Variants in CYP4F8 observed in about 807,000 individuals in gnomAD.
CYP4F8 encodes cytochrome P450 4F8.
A neutral mutation model predicts 55.0 loss-of-function variants in CYP4F8; 56 were observed. That is an observed-to-expected ratio of 1.02 (90% CI 0.82 to 1.27). CYP4F8 has a LOEUF of 1.27. Ranked by LOEUF, CYP4F8 falls within the 50% of genes most tolerant of loss-of-function variation. CYP4F8 has a pLI of 0.00. For missense variants in CYP4F8, 680 were observed against 682.4 expected (o/e 1.00, Z 0.04); for synonymous variants, 288 against 267.3 (o/e 1.08, Z -0.76).
chr19:15,619,346 TTTC>T (rs1972163354), intron 3 of CYP4F8, 141 bp from the exon 4 acceptor site: 1 of 849,126 alleles, frequency 1.2e-6, no homozygotes, highest in Non-Finnish European at 1.8e-6. Flanking sequence ...CCCACCCTCC[TTTC>T]TTCTTCTGCC....
chr19:15,622,737 C>T (rs1972210385), intron 6 of CYP4F8: 4 of 384,660 alleles, frequency 1.0e-5, no homozygotes, highest in South Asian at 8.0e-5. Flanking sequence ...CAGTACTGAG[C>T]TTGGACACTG....
chr19:15,620,831 A>T (rs1012668284), intron 5 of CYP4F8, among the ~76,000 whole-genome samples: 7 of 152,326 alleles, frequency 4.6e-5, no homozygotes, highest in South Asian at 4.1e-4. Flanking sequence ...ATTGCAAAAG[A>T]TGTGGATGCA....
Position 15,622,299 on chromosome 19 carries a change from T to A in CYP4F8, c.606T>A (p.Ser202Arg). Reference protein sequence around the residue: ...FEHISLMTLDSLQKCIFSFDS... With the variant: ...FEHISLMTLDRLQKCIFSFDS... ...ACATCAGCCTTATGACCCTGGACAG[T>A]CTGCAGAAATGCATCTTCAGCTTTG... is the stretch of plus-strand genomic sequence containing the variant. The change falls in exon 6 of 13, where the codon AGT becomes AGA. Residue 202 changes from serine (S) to arginine (R), a missense_variant. Ser to Arg is a moderately radical substitution (Grantham distance 110). Coordinates refer to ENST00000612078, the MANE Select transcript of CYP4F8 (RefSeq NM_007253.4). 6.2e-7 allele frequency: 1 copy of A among 1,612,732 alleles called. No individual in the cohort carries two copies. The highest frequency in any genetic ancestry group is 8.5e-7 in the Non-Finnish European group (1 of 1,179,514).
chr19:15,618,736 G>C (rs1333181531), intron 3 of CYP4F8: 1 of 229,012 alleles, frequency 4.4e-6, no homozygotes, highest in African/African-American at 2.3e-5. Flanking sequence ...GGAAGATCTA[G>C]GCTGCTATTT....
chr19:15,620,485 G>A (rs8109520), intron 5 of CYP4F8, among the ~76,000 whole-genome samples: 1,729 of 152,188 alleles, frequency 0.011, 33 homozygotes, highest in African/African-American at 0.039. Context: ...TGCAACCCCC[G>A]CCTCAAGCAA....
At chr19:15,628,474 C>T (rs371837029) in intron 10 of CYP4F8, 39 bp downstream of exon 10, 8 of 1,613,290 alleles carry the variant, frequency 5.0e-6, no homozygotes, top group African/African-American at 2.7e-5. Context: ...CTGGGCAGGG[C>T]GGTGGTCCCA....
In CYP4F8 at chr19:15,618,109, AC is replaced by A. The variant is rs777209222; in HGVS notation, c.311del (p.Pro104LeufsTer19). On this transcript the variant is annotated frameshift_variant, in exon 3 of 13. Coordinates refer to ENST00000612078, the MANE Select transcript of CYP4F8 (RefSeq NM_007253.4). LOFTEE classifies it high-confidence loss of function. Reference protein sequence around the residue: ...GPITPIINLCHPDIVRSVINT... With the variant: ...GPITPIINLCXPDIVRSVINT... ...ATCACTCCCATCATCAACTTGTGCC[AC>A]CCTGACATCGTCCGATCTGTCATCA... 6.2e-7 allele frequency: 1 copy of A among 1,613,944 alleles called. No individual in the cohort carries two copies. The highest frequency in any genetic ancestry group is 8.5e-7 in the Non-Finnish European group (1 of 1,179,968).
chr19:15,622,755 T>C (rs557141207), intron 6 of CYP4F8: 2 of 400,928 alleles, frequency 5.0e-6, no homozygotes, highest in East Asian at 5.4e-5. Flanking sequence ...CTGGACTCTA[T>C]GGGACTCTAT....
rs1972106882 is a variant in CYP4F8 at position 15,615,744 on chromosome 19, A to C, written c.128A>C (p.His43Pro). Residue 43 changes from histidine (H) to proline (P), a missense_variant, in exon 2 of 13, where the codon CAC (histidine) becomes CCC (proline). His to Pro is a moderately conservative substitution (Grantham distance 77). Transcript: ENST00000612078. ...RILAWTYAFYHNGRRLRCFPQ... is the reference protein window; with the variant it reads ...RILAWTYAFYPNGRRLRCFPQ... ...CTGGCCTGGACCTATGCCTTCTATC[A>C]CAACGGCCGCCGCCTCCGGTGTTTC... The C allele has an allele frequency of 6.2e-7, 1 of 1,613,842 alleles. No individual in the cohort carries two copies. Among genetic ancestry groups the C allele is most frequent in the African/African-American group, 1.3e-5 (1 of 74,870 alleles).
chr19:15,623,644 T>C, intron 7 of CYP4F8, 55 bp from the exon 8 acceptor site: 1 of 1,595,972 alleles, frequency 6.3e-7, no homozygotes. Flanking sequence ...AGAGACTGTT[T>C]CAGTTTAGAC....
chr19:15,628,712 G>A (rs184417393), intron 11 of CYP4F8, 49 bp from the exon 12 acceptor site: 1 of 1,610,704 alleles, frequency 6.2e-7, no homozygotes, highest in Non-Finnish European at 8.5e-7. Flanking sequence ...GGGGGTGGCT[G>A]GGTGTCCTGA....
chr19:15,625,494 G>A (rs1396185907), intron 9 of CYP4F8, among the ~76,000 whole-genome samples: 3 of 151,098 alleles, frequency 2.0e-5, no homozygotes, highest in African/African-American at 7.3e-5. Context: ...AGGCATGTAT[G>A]TATATATATG....
At position 15,630,189 on chromosome 19, in the gene CYP4F8, C is replaced by A. The variant is rs1310461756; in HGVS notation, c.*831C>A. ...TGAGTTTCAATGTTTATTTTAGAATCAGGTGCTAACATGCAAATTTATTAC... is the reference window on the plus strand; with the variant it reads ...TGAGTTTCAATGTTTATTTTAGAATAAGGTGCTAACATGCAAATTTATTAC... On this transcript the variant is annotated 3_prime_UTR_variant, in exon 13 of 13. Transcript: ENST00000612078. 3 of 152,114 alleles carry A rather than the reference C, an allele frequency of 2.0e-5. No homozygotes were observed. Among genetic ancestry groups the A allele is most frequent in the Non-Finnish European group, 4.4e-5 (3 of 68,014 alleles). The allele number at this position is 152,114 out of a possible 1,614,324, so 9.4% of individuals were successfully genotyped here.
At chr19:15,618,322 C>A in intron 3 of CYP4F8, 178 bp downstream of exon 3, 1 of 1,005,732 alleles carries the variant, frequency 9.9e-7, no homozygotes. Flanking sequence ...TGTCTTTTCT[C>A]TCTGCTGCCA....
chr19:15,626,850 CTTTCTCAT>C (rs1385320959), intron 9 of CYP4F8, among the ~76,000 whole-genome samples: 1 of 152,092 alleles, frequency 6.6e-6, no homozygotes, highest in Non-Finnish European at 1.5e-5. Context: ...ATAATTTTAC[CTTTCTCAT>C]AAAGGAAAAG....
chr19:15,629,352 G>A lies in CYP4F8; in HGVS notation c.1557G>A (p.Leu519=). Residue 519 remains leucine (L), a synonymous_variant, in exon 13 of 13, where the codon CTG becomes CTA. Transcript: ENST00000612078. ...GACTTTGGCTGCGAGTAGAACCCCT[G>A]GGCTGAGGCCTGCAGTGACCCACCC... ...EDGLWLRVEP[L]G 1 of 1,607,946 alleles carries A rather than the reference G, an allele frequency of 6.2e-7. No homozygotes were observed. The highest frequency in any genetic ancestry group is 2.2e-5 in the East Asian group (1 of 44,840).
At chr19:15,617,387 C>T (rs1346779765) in intron 2 of CYP4F8, among the ~76,000 whole-genome samples, 1 of 152,168 alleles carries the variant, frequency 6.6e-6, no homozygotes, top group Non-Finnish European at 1.5e-5. Flanking sequence ...AGAGGCTGTG[C>T]CACCTCTAAA....
At position 15,616,313 on chromosome 19, in the gene CYP4F8, T is replaced by TGCTCACTCATTCCTCTCCTC. The variant is rs1568381020; in HGVS notation, c.198+515_198+516insCCTCGCTCACTCATTCCTCT. Among the ~76,000 whole-genome samples, 50 of 140,608 alleles carry TGCTCACTCATTCCTCTCCTC rather than the reference T, an allele frequency of 3.6e-4. 1 individual carries two copies. Among genetic ancestry groups the TGCTCACTCATTCCTCTCCTC allele is most frequent in the Non-Finnish European group, 6.1e-4 (39 of 64,422 alleles). 92.2% of individuals were successfully genotyped at this position (140,608 alleles called of 152,430 possible). On this transcript the variant is annotated intron_variant, in intron 2 of 12. Transcript: ENST00000612078. The stretch of plus-strand genomic sequence containing the variant: ...CTCCTCGCTCACTCATTCCTCTCCT[T>TGCTCACTCATTCCTCTCCTC]GCTCACTCATTCCTCTGCTTTGCCA...
chr19:15,615,324 C>T, intron 1 of CYP4F8, 44 bp downstream of exon 1: 1 of 285,640 alleles, frequency 3.5e-6, no homozygotes, highest in Non-Finnish European at 6.6e-6. Flanking sequence ...AGGGGCACTG[C>T]CCAAGACTGG....
Sources: allele counts gnomAD v4.1 joint callset (sites outside exome capture counted in the v4.1 genomes callset), GRCh38; gene constraint gnomAD v4.1.1; transcripts MANE v1.5; gene names NCBI Gene and HGNC (gene_info 2026-07-23, HGNC 2026-07-21).